UBE2E1: variants seen among roughly 807,000 people sequenced by gnomAD.
UBE2E1 encodes the protein ubiquitin-conjugating enzyme E2 E1.
In UBE2E1, 6 loss-of-function variants were observed where a neutral mutation model predicts 21.4. The ratio of observed to expected loss-of-function variants is 0.28; its 90% CI spans 0.15 to 0.55. The LOEUF (loss-of-function observed/expected upper bound fraction) is 0.55, where lower values mean the gene tolerates loss of function less well. Among genes scored for constraint, UBE2E1 ranks in the 20% least tolerant of loss-of-function variants. The pLI, the probability that UBE2E1 is intolerant of heterozygous loss-of-function variation, is 0.93. For synonymous variants in UBE2E1, 87 were observed against 82.7 expected (o/e 1.05, Z -0.28); for missense variants, 142 against 236.5 (o/e 0.60, Z 2.62).
chr3:23,878,906 AT>A (rs1700976917), intron 3 of UBE2E1: 1 of 353,782 alleles, frequency 2.8e-6, no homozygotes, highest in African/African-American at 2.1e-5. Flanking sequence ...ATCCCAAACC[AT>A]CCCACCCCCC....
rs373130507 is a variant in UBE2E1, at chr3:23,880,131, C to T, written c.204-7436C>T. ...GGCGCAGTGGCTCACGCCTGTAATC[C>T]CAGCACTTTGGGAGGCTGAGGCGGG... is the stretch of plus-strand genomic sequence containing the variant. On this transcript the variant is annotated intron_variant, in intron 3 of 5. Transcript: ENST00000306627. Among the ~76,000 whole-genome samples, 23 of 152,216 alleles carry T rather than the reference C, an allele frequency of 1.5e-4. No individual in the cohort carries two copies. In the East Asian group the frequency reaches 4.3e-3, roughly 28 times the overall value.
intron 3 of UBE2E1, among the ~76,000 whole-genome samples, chr3:23,852,355 T>C (rs7617802): frequency 0.014 from 2,113 of 152,332 alleles, 57 homozygotes; most frequent in African/African-American, 0.049. Flanking sequence ...TTTATTCTTA[T>C]GTATTTTACT....
chr3:23,835,628 T>G (rs1265264971), intron 3 of UBE2E1, among the ~76,000 whole-genome samples: 2 of 123,710 alleles, frequency 1.6e-5, no homozygotes, highest in Non-Finnish European at 1.8e-5. Flanking sequence ...GTTTTAAAAT[T>G]TGCATACAGT....
At position 23,879,681 on chromosome 3, in the gene UBE2E1, C is replaced by T. The variant is rs552012176; in HGVS notation, c.204-7886C>T. ...GGCACCAGGGAGGCCTGGGCCGCGG[C>T]GGAGGACAGGGCACCAGGTGGGTGC... On this transcript the variant is annotated intron_variant, in intron 3 of 5. Transcript: ENST00000306627. Among the ~76,000 whole-genome samples, 544 of 152,326 alleles carry T rather than the reference C, an allele frequency of 3.6e-3. 1 individual carries two copies. The highest frequency in any genetic ancestry group is 0.02 in the Middle Eastern group (6 of 294).
At chr3:23,883,025 A>C (rs887561031) in intron 3 of UBE2E1, among the ~76,000 whole-genome samples, 2 of 152,192 alleles carry the variant, frequency 1.3e-5, no homozygotes, top group Non-Finnish European at 2.9e-5. Context: ...GCGCGGCCAG[A>C]GTGGGCACCA....
intron 3 of UBE2E1, chr3:23,879,469 A>G: frequency 2.7e-6 from 1 of 376,616 alleles, no homozygotes; most frequent in South Asian, 2.5e-5. Context: ...TGGACAGGAT[A>G]GAAGTGTGGT....
At chr3:23,880,570 T>A (rs1255531877) in intron 3 of UBE2E1, among the ~76,000 whole-genome samples, 1 of 152,098 alleles carries the variant, frequency 6.6e-6, no homozygotes, top group East Asian at 1.9e-4. Flanking sequence ...ACTCGAAAAA[T>A]ATCCTAAATT....
chr3:23,887,630 C>T lies in UBE2E1; in HGVS notation c.267C>T (p.Ser89=), dbSNP rs771423120. 3 of 1,614,026 alleles carry T rather than the reference C, an allele frequency of 1.9e-6. No homozygotes were observed. Among genetic ancestry groups the T allele is most frequent in the Non-Finnish European group, 1.7e-6 (2 of 1,180,004 alleles). The change falls in exon 4 of 6, where the codon TCC becomes TCT. Residue 89 remains serine (S), a synonymous_variant. Coordinates refer to ENST00000306627, the MANE Select transcript of UBE2E1 (RefSeq NM_003341.5). The surrounding 1 kb of genome is among the most constrained non-coding windows in gnomAD (Gnocchi z 4.4). ...CAACCATTCTAGGGCCTCCAGGATC[C>T]GTGTATGAGGGTGGTGTATTCTTTC... is the stretch of plus-strand genomic sequence containing the variant. ...WRSTILGPPG[S]VYEGGVFFLD... is the part of the protein sequence containing the mutation.
At chr3:23,814,941 T>G (rs1433961587) in intron 3 of UBE2E1, among the ~76,000 whole-genome samples, 1 of 152,194 alleles carries the variant, frequency 6.6e-6, no homozygotes, top group Non-Finnish European at 1.5e-5. Context: ...GTCTGAAAAG[T>G]CATTAAACAC....
intron 3 of UBE2E1, 125 bp downstream of exon 3, chr3:23,811,635 G>GT (rs1449237105): frequency 7.0e-6 from 6 of 851,288 alleles, no homozygotes; most frequent in Non-Finnish European, 1.1e-5. Context: ...CTAACATCAC[G>GT]TAACAGCTGA....
At chr3:23,833,334 T>C (rs1404819653) in intron 3 of UBE2E1, among the ~76,000 whole-genome samples, 1 of 152,250 alleles carries the variant, frequency 6.6e-6, no homozygotes, top group East Asian at 1.9e-4. Context: ...GTCATATATT[T>C]AAAATTAAGA....
chr3:23,807,135 C>G lies in UBE2E1; in HGVS notation c.-33-102C>G, dbSNP rs1559472435. ...AAGCGAGTGGAGGGCGGTGGGCGGC[C>G]GCGTGCGCCCCTGGTCAATGCCCTC... On this transcript the variant is annotated intron_variant, in intron 1 of 5. Coordinates refer to ENST00000306627, the MANE Select transcript of UBE2E1 (RefSeq NM_003341.5). The G allele has an allele frequency of 3.1e-6, 3 of 971,832 alleles. No individual in the cohort carries two copies. The South Asian group carries it at 5.9e-5, about 19-fold the overall frequency. 60.2% of individuals were successfully genotyped at this position (971,832 alleles called of 1,614,324 possible).
At position 23,876,107 on chromosome 3, in the gene UBE2E1, C is replaced by T. The variant is rs569419620; in HGVS notation, c.204-11460C>T. 1.6e-3 allele frequency among the ~76,000 whole-genome samples: 250 copies of T among 152,308 alleles called. 1 individual carries two copies. Among genetic ancestry groups the T allele is most frequent in the African/African-American group, 5.9e-3 (247 of 41,578 alleles). On this transcript the variant is annotated intron_variant, in intron 3 of 5. Coordinates refer to ENST00000306627, the MANE Select transcript of UBE2E1 (RefSeq NM_003341.5). This position sits in a 1 kb window ranked among gnomAD's most constrained non-coding sequence, Gnocchi z 4.3. ...TTCTTGTGTGTGGGTACTAGTTTTT[C>T]TGGGGAGCCCTTTAGGTTGGCTCTA...
chr3:23,863,679 C>T lies in UBE2E1; in HGVS notation c.204-23888C>T, dbSNP rs193180814. Among the ~76,000 whole-genome samples the T allele has an allele frequency of 2.0e-3, 307 of 152,168 alleles. 4 individuals are homozygous for T. The highest frequency in any genetic ancestry group is 1.7e-3 in the South Asian group (8 of 4,828). The stretch of plus-strand genomic sequence containing the variant: ...CCAAGTAGCTGAGATTACAGGCATG[C>T]GCCACCACGCCTGGCTAATTTTCTA... On this transcript the variant is annotated intron_variant, in intron 3 of 5. Transcript: ENST00000306627. The surrounding 1 kb of genome is among the most constrained non-coding windows in gnomAD (Gnocchi z 4.3).
At chr3:23,839,050 C>T (rs1177613559) in intron 3 of UBE2E1, among the ~76,000 whole-genome samples, 1 of 152,006 alleles carries the variant, frequency 6.6e-6, no homozygotes, top group Non-Finnish European at 1.5e-5. Context: ...CACAGCGACC[C>T]CTCAACAATC....
chr3:23,879,127 G>T, intron 3 of UBE2E1: 1 of 562,224 alleles, frequency 1.8e-6, no homozygotes, highest in Admixed American at 2.2e-5. Context: ...TAGAGGGACT[G>T]CTTGGTTTTC....
chr3:23,839,611 A>G (rs1293093557), intron 3 of UBE2E1, among the ~76,000 whole-genome samples: 1 of 152,052 alleles, frequency 6.6e-6, no homozygotes, highest in Non-Finnish European at 1.5e-5. Flanking sequence ...GACTTCCTTT[A>G]ACATTTCTTG....
intron 3 of UBE2E1, among the ~76,000 whole-genome samples, chr3:23,882,283 A>G (rs1445547663): frequency 6.6e-6 from 1 of 152,214 alleles, no homozygotes; most frequent in Non-Finnish European, 1.5e-5. Context: ...TGGTGCGTTT[A>G]CAATCTCTGA....
chr3:23,807,227 C>A lies in UBE2E1; in HGVS notation c.-33-10C>A, dbSNP rs1431215641. The A allele has an allele frequency of 1.3e-6, 2 of 1,586,630 alleles. No individual in the cohort carries two copies. Among genetic ancestry groups the A allele is most frequent in the Non-Finnish European group, 1.7e-6 (2 of 1,168,742 alleles). On this transcript the variant is annotated splice_polypyrimidine_tract_variant and intron_variant, in intron 1 of 5. Transcript: ENST00000306627. Reference sequence around the variant, plus strand: ...TTGTGTGTTTCTGTTTTGTTTCTCTCCCCCTGCAGGGGCTGTTTGCGGGGT... The same window carrying A: ...TTGTGTGTTTCTGTTTTGTTTCTCTACCCCTGCAGGGGCTGTTTGCGGGGT...
Sources: gnomAD v4.1 joint callset for allele counts (sites outside exome capture counted in the v4.1 genomes callset) on GRCh38, gnomAD v4.1.1 for gene constraint, Gnocchi (gnomAD v3.1) non-coding constraint, MANE v1.5 for transcripts, NCBI Gene and HGNC (gene_info 2026-07-23, HGNC 2026-07-21) for gene names.